The following NKAIN3 variants were observed in gnomAD, a reference collection of about 807,000 sequenced individuals.
The protein encoded by NKAIN3 is sodium/potassium transporting ATPase interacting 3, also known as sodium/potassium-transporting ATPase subunit beta-1-interacting protein 3.
A neutral mutation model predicts 30.2 loss-of-function variants in NKAIN3; 25 were observed. The ratio of observed to expected loss-of-function variants is 0.83; its 90% CI spans 0.60 to 1.16. NKAIN3 has a LOEUF of 1.16. Among genes scored for constraint, NKAIN3 ranks in the 50% most tolerant of loss-of-function variants. The probability of loss-of-function intolerance (pLI) is 0.00; values close to 1 mark genes in which losing one functional copy is unlikely to be tolerated. For missense variants in NKAIN3, 225 were observed against 254.1 expected (o/e 0.89, Z 0.78); for synonymous variants, 91 against 89.6 (o/e 1.02, Z -0.09).
intron 5 of NKAIN3, among the ~76,000 whole-genome samples, chr8:62,927,735 A>T (rs1187683052): frequency 6.6e-6 from 1 of 152,162 alleles, no homozygotes; most frequent in East Asian, 1.9e-4. Context: ...ATGAGCTGTC[A>T]TTATGTCCTT....
At chr8:62,859,515 A>AAAAAAAAAAAAAAAAAAAAAAAC (rs1286801544) in intron 4 of NKAIN3, among the ~76,000 whole-genome samples, 1 of 149,830 alleles carries the variant, frequency 6.7e-6, no homozygotes, top group African/African-American at 2.4e-5. Flanking sequence ...AACTAAAAAA[A>AAAAAAAAAAAAAAAAAAAAAAAC]AAAAAACTTC....
At chr8:62,553,198 T>A (rs1341024018) in intron 1 of NKAIN3, among the ~76,000 whole-genome samples, 2 of 152,170 alleles carry the variant, frequency 1.3e-5, no homozygotes, top group Non-Finnish European at 2.9e-5. Context: ...TGCCAAACCA[T>A]TCTCCTTATT....
intron 4 of NKAIN3, among the ~76,000 whole-genome samples, chr8:62,842,725 A>T (rs4358793): frequency 0.6 from 91,650 of 151,914 alleles, 28,480 homozygotes; most frequent in Non-Finnish European, 0.7. Context: ...TGGTCAATTG[A>T]TTTTTTACAA....
intron 4 of NKAIN3, among the ~76,000 whole-genome samples, chr8:62,881,970 G>A (rs575322154): frequency 2.0e-5 from 3 of 152,236 alleles, no homozygotes; most frequent in Middle Eastern, 3.4e-3. Context: ...GTATCCCATC[G>A]TTGTTTTAAT....
At chr8:62,731,557 C>A (rs1815466237) in intron 3 of NKAIN3, among the ~76,000 whole-genome samples, 1 of 152,146 alleles carries the variant, frequency 6.6e-6, no homozygotes, top group Non-Finnish European at 1.5e-5. Flanking sequence ...CTCATCAGCT[C>A]CTGTAGTGAT....
At chr8:62,251,536 GA>G (rs1487086504) in intron 1 of NKAIN3, among the ~76,000 whole-genome samples, 13 of 152,106 alleles carry the variant, frequency 8.5e-5, no homozygotes, top group Admixed American at 8.5e-4. Flanking sequence ...AAAATTTGAA[GA>G]AAATATTCGA....
chr8:62,531,277 A>G (rs567763859), intron 1 of NKAIN3, among the ~76,000 whole-genome samples: 1 of 152,308 alleles, frequency 6.6e-6, no homozygotes, highest in Admixed American at 6.5e-5. Flanking sequence ...TATGAACATT[A>G]AGAGTCTCAT....
chr8:62,381,971 C>T (rs1817293839), intron 1 of NKAIN3, among the ~76,000 whole-genome samples: 1 of 152,004 alleles, frequency 6.6e-6, no homozygotes, highest in Non-Finnish European at 1.5e-5. Context: ...AAAGTAATGC[C>T]CTCTGTCTTT....
At chr8:62,283,630 CTT>C (rs1813275057) in intron 1 of NKAIN3, among the ~76,000 whole-genome samples, 1 of 151,964 alleles carries the variant, frequency 6.6e-6, no homozygotes, top group African/African-American at 2.4e-5. Flanking sequence ...TTTAAATTAT[CTT>C]ATATATTTCA....
chr8:62,791,009 T>C (rs1817688458), intron 4 of NKAIN3, among the ~76,000 whole-genome samples: 1 of 152,042 alleles, frequency 6.6e-6, no homozygotes. Flanking sequence ...ACTAAATAGG[T>C]CTTTTCTCAT....
chr8:62,914,385 CT>C (rs1201473799), intron 4 of NKAIN3, among the ~76,000 whole-genome samples: 1 of 152,098 alleles, frequency 6.6e-6, no homozygotes, highest in East Asian at 1.9e-4. Context: ...GAAAAGATAA[CT>C]ATTGGGTACT....
chr8:62,622,601 G>T (rs199561172), intron 3 of NKAIN3, among the ~76,000 whole-genome samples: 1 of 151,634 alleles, frequency 6.6e-6, no homozygotes, highest in South Asian at 2.1e-4. Context: ...TGTCTTTTGC[G>T]CATTTTCTAA....
intron 3 of NKAIN3, among the ~76,000 whole-genome samples, chr8:62,696,075 T>A (rs1364193702): frequency 6.6e-6 from 1 of 152,100 alleles, no homozygotes; most frequent in Non-Finnish European, 1.5e-5. Flanking sequence ...AATGTTTGTA[T>A]TGGGGAACTG....
At chr8:62,731,427 T>A (rs1287492964) in intron 3 of NKAIN3, among the ~76,000 whole-genome samples, 1 of 152,192 alleles carries the variant, frequency 6.6e-6, no homozygotes, top group African/African-American at 2.4e-5. Flanking sequence ...ATGTGATTAC[T>A]TATTGTTTTA....
intron 3 of NKAIN3, among the ~76,000 whole-genome samples, chr8:62,702,276 A>T (rs570058653): frequency 2.3e-4 from 35 of 152,350 alleles, no homozygotes; most frequent in African/African-American, 8.4e-4. Flanking sequence ...TATATTTGAC[A>T]TAAATATACA....
At position 62,475,877 on chromosome 8, in the gene NKAIN3, G is replaced by A. The variant is rs1033747264; in HGVS notation, c.55-103662G>A. ...AGTGGAGAGTAGTGGTTAAGAACAAGTACTGTGGCAGGATGGGGTCAGATT... is the reference window on the plus strand; with the variant it reads ...AGTGGAGAGTAGTGGTTAAGAACAAATACTGTGGCAGGATGGGGTCAGATT... On this transcript the variant is annotated intron_variant, in intron 1 of 6. Transcript: ENST00000623646. 2.6e-5 allele frequency among the ~76,000 whole-genome samples: 4 copies of A among 152,284 alleles called. No homozygotes were observed. The East Asian group carries it at 7.7e-4, about 29-fold the overall frequency.
At chr8:62,863,332 T>C in intron 4 of NKAIN3, 1 of 1,550,002 alleles carries the variant, frequency 6.5e-7, no homozygotes, top group Non-Finnish European at 8.8e-7. Flanking sequence ...AATACCTGCT[T>C]TCTGCCCCTC....
chr8:62,825,117 T>A (rs971477601), intron 4 of NKAIN3, among the ~76,000 whole-genome samples: 5 of 152,316 alleles, frequency 3.3e-5, no homozygotes, highest in African/African-American at 1.2e-4. Flanking sequence ...CCCATTGCCT[T>A]ACACTATCTC....
At chr8:62,282,654 G>GCT (rs1286988520) in intron 1 of NKAIN3, among the ~76,000 whole-genome samples, 5 of 152,180 alleles carry the variant, frequency 3.3e-5, no homozygotes, top group Non-Finnish European at 7.3e-5. Context: ...AGGGAATGAA[G>GCT]CTCAGGTTTT....
Sources: allele counts gnomAD v4.1 joint callset (sites outside exome capture counted in the v4.1 genomes callset), GRCh38; gene constraint gnomAD v4.1.1; transcripts MANE v1.5; gene names NCBI Gene and HGNC (gene_info 2026-07-23, HGNC 2026-07-21).